MPP3: variants seen among roughly 807,000 people sequenced by gnomAD.
The protein encoded by MPP3 is MAGUK p55 scaffold protein 3.
In MPP3, 48 loss-of-function variants were observed where a neutral mutation model predicts 80.7. That is an observed-to-expected ratio of 0.59 (90% CI 0.47 to 0.76). MPP3 has a LOEUF of 0.76. MPP3 is among the 30% of genes least tolerant of loss of function. The probability of loss-of-function intolerance (pLI) is 0.00; values close to 1 mark genes in which losing one functional copy is unlikely to be tolerated. For synonymous variants in MPP3, 311 were observed against 297.6 expected, an observed-to-expected ratio of 1.04 and a Z score of -0.46; for missense variants, 620 against 763.0, an observed-to-expected ratio of 0.81 and a Z score of 2.21.
intron 12 of MPP3, among the ~76,000 whole-genome samples, chr17:43,817,184 T>G (rs1173036755): frequency 6.6e-6 from 1 of 152,200 alleles, no homozygotes; most frequent in African/African-American, 2.4e-5. Context: ...GTTACAAGTC[T>G]GCCCTCTAGT....
At chr17:43,827,325 T>TTTGC (rs2045753897) in intron 8 of MPP3, among the ~76,000 whole-genome samples, 1 of 143,722 alleles carries the variant, frequency 7.0e-6, no homozygotes, top group African/African-American at 2.6e-5. Context: ...TTTTTTTTTT[T>TTTGC]TTTCTTTTTT....
At chr17:43,827,939 A>G (rs569240552) in intron 7 of MPP3, 107 bp from the exon 8 acceptor site, 1 of 1,029,416 alleles carries the variant, frequency 9.7e-7, no homozygotes, top group Non-Finnish European at 1.5e-6. Context: ...CTGACAGTCC[A>G]GAGAGATCAG....
intron 18 of MPP3, among the ~76,000 whole-genome samples, chr17:43,810,526 C>T (rs1026467816): frequency 6.6e-6 from 1 of 152,162 alleles, no homozygotes; most frequent in Non-Finnish European, 1.5e-5. Flanking sequence ...GCGCCACCAA[C>T]TATTGCATGA....
chr17:43,823,032 A>G (rs1421214167), intron 10 of MPP3, among the ~76,000 whole-genome samples: 1 of 152,120 alleles, frequency 6.6e-6, no homozygotes, highest in East Asian at 1.9e-4. Flanking sequence ...CCAGCTGCCC[A>G]TAGTGGTAAC....
intron 3 of MPP3, 99 bp from the exon 4 acceptor site, chr17:43,831,776 C>T (rs535013745): frequency 7.3e-5 from 105 of 1,429,916 alleles, no homozygotes; most frequent in Non-Finnish European, 9.1e-5. Flanking sequence ...TCAGTCCTGC[C>T]GTGAGGACAT....
intron 13 of MPP3, 110 bp from the exon 14 acceptor site, chr17:43,816,189 T>C (rs2045122241): frequency 1.5e-5 from 14 of 918,512 alleles, no homozygotes; most frequent in Non-Finnish European, 2.2e-5. Flanking sequence ...GGATGGTGTC[T>C]CGTGGGGAGC....
intron 9 of MPP3, chr17:43,824,991 G>C (rs1020944700): frequency 1.3e-5 from 2 of 152,352 alleles, no homozygotes; most frequent in Non-Finnish European, 2.9e-5. Flanking sequence ...GCCCAGGCTG[G>C]TCTCGACCTG....
intron 4 of MPP3, 41 bp downstream of exon 4, chr17:43,831,518 C>G: frequency 6.7e-7 from 1 of 1,491,778 alleles, no homozygotes; most frequent in Non-Finnish European, 9.3e-7. Flanking sequence ...GCTAGAAAGA[C>G]CTCTAGACAC....
At chr17:43,817,916 T>A in intron 12 of MPP3, 130 bp downstream of exon 12, 95 of 335,724 alleles carry the variant, frequency 2.8e-4, no homozygotes, top group East Asian at 6.6e-4. Context: ...CTCCTTCCTC[T>A]GGAGTCCATG....
chr17:43,814,269 G>T lies in MPP3; in HGVS notation c.1102C>A (p.Leu368Met). The T allele has an allele frequency of 6.2e-7, 1 of 1,613,210 alleles. No homozygotes were observed. Among genetic ancestry groups the T allele is most frequent in the Non-Finnish European group, 8.5e-7 (1 of 1,179,992 alleles). ...CTGGCCACCTCTTCGTAAGTCAGCA[G>T]CTCCGGAGACTCAGCTCCGGAGGAC... ...KMSSGAESPE[L>M]LTYEEVARYQ... The change falls in exon 15 of 20, where the codon CTG (leucine) becomes ATG (methionine). Residue 368 changes from leucine (L) to methionine (M), a missense_variant. Physicochemically the swap from Leu to Met is conservative, Grantham distance 15. Coordinates refer to ENST00000398389, the MANE Select transcript of MPP3 (RefSeq NM_001932.6).
intron 9 of MPP3, among the ~76,000 whole-genome samples, chr17:43,824,565 G>A (rs1409931424): frequency 6.6e-6 from 1 of 152,098 alleles, no homozygotes; most frequent in African/African-American, 2.4e-5. Flanking sequence ...CCCAATGCCA[G>A]GGGCCCAACA....
intron 12 of MPP3, chr17:43,817,774 C>T (rs539376642): frequency 3.8e-5 from 15 of 389,886 alleles, no homozygotes; most frequent in African/African-American, 1.3e-4. Flanking sequence ...CACATGCACA[C>T]GCGTGTGAAC....
chr17:43,830,417 C>A (rs2143158451), intron 5 of MPP3, among the ~76,000 whole-genome samples: 1 of 152,312 alleles, frequency 6.6e-6, no homozygotes, highest in South Asian at 2.1e-4. Context: ...AGATGAGAAT[C>A]CTGAGACTCA....
intron 9 of MPP3, 132 bp from the exon 10 acceptor site, chr17:43,824,137 T>C: frequency 1.7e-6 from 1 of 577,828 alleles, no homozygotes; most frequent in Non-Finnish European, 3.0e-6. Flanking sequence ...CCCACTCTTC[T>C]AGGATGGTGC....
At position 43,814,168 on chromosome 17, in the gene MPP3, A is replaced by G. The variant is rs781506889; in HGVS notation, c.1174+29T>C. The G allele has an allele frequency of 3.1e-6, 5 of 1,609,386 alleles. No homozygotes were observed. The Admixed American group carries it at 8.4e-5, about 27-fold the overall frequency. On this transcript the variant is annotated intron_variant, in intron 15 of 19. Coordinates refer to ENST00000398389, the MANE Select transcript of MPP3 (RefSeq NM_001932.6). ...CCTGCTCCAGGGAGGAAACCAGATC[A>G]CTTCCTGGAAACCCAGGATGGCACC...
chr17:43,817,818 A>G (rs1333313597), intron 12 of MPP3: 2 of 479,422 alleles, frequency 4.2e-6, no homozygotes, highest in East Asian at 7.3e-5. Flanking sequence ...GAAAGCTGTT[A>G]ACATACCCCC....
intron 13 of MPP3, 71 bp downstream of exon 13, chr17:43,816,606 G>T: frequency 7.2e-7 from 1 of 1,395,690 alleles, no homozygotes. Flanking sequence ...AAGAACACGA[G>T]CCCCTCAGGC....
chr17:43,828,951 G>A (rs2045836836), intron 7 of MPP3, among the ~76,000 whole-genome samples: 1 of 152,240 alleles, frequency 6.6e-6, no homozygotes, highest in Non-Finnish European at 1.5e-5. Flanking sequence ...TCTGTTTGCA[G>A]AAGAGGCTCG....
chr17:43,806,755 C>T (rs555956041), intron 19 of MPP3, among the ~76,000 whole-genome samples: 5 of 150,208 alleles, frequency 3.3e-5, no homozygotes, highest in East Asian at 4.1e-4. Flanking sequence ...ATTACAGGCG[C>T]GTGCCACCAC....
Sources: allele counts gnomAD v4.1 joint callset (sites outside exome capture counted in the v4.1 genomes callset), GRCh38; gene constraint gnomAD v4.1.1; transcripts MANE v1.5; gene names NCBI Gene and HGNC (gene_info 2026-07-23, HGNC 2026-07-21).